INO80: variants seen among roughly 807,000 people sequenced by gnomAD.
INO80 encodes the protein chromatin-remodeling ATPase INO80.
In INO80, 20 loss-of-function variants were observed where a neutral mutation model predicts 203.4. The observed-to-expected ratio is 0.10, with a 90% CI of 0.07 to 0.14. The LOEUF (loss-of-function observed/expected upper bound fraction) is 0.14, where lower values mean the gene tolerates loss of function less well. Ranked by LOEUF, INO80 falls within the 10% of genes least tolerant of loss-of-function variation. The probability of loss-of-function intolerance (pLI) is 1.00; values close to 1 mark genes in which losing one functional copy is unlikely to be tolerated. For missense variants in INO80, 1,419 were observed against 1,914.4 expected (o/e 0.74, Z 4.83); for synonymous variants, 726 against 685.2 (o/e 1.06, Z -0.93).
intron 29 of INO80, among the ~76,000 whole-genome samples, chr15:40,989,135 T>C (rs1246814566): frequency 6.6e-6 from 1 of 151,424 alleles, no homozygotes; most frequent in African/African-American, 2.4e-5. Flanking sequence ...GCTGAGATCA[T>C]GCCATTGCAC....
At position 41,026,624 on chromosome 15, in the gene INO80, T is replaced by C. The variant is rs539119062; in HGVS notation, c.3048+972A>G. On this transcript the variant is annotated intron_variant, in intron 25 of 35. Coordinates refer to ENST00000648947, the MANE Select transcript of INO80 (RefSeq NM_017553.3). The stretch of plus-strand genomic sequence containing the variant: ...AAAACAGTACACTTGCTAAGATGAG[T>C]GGAGAAACAAGAGAAAAACATAAAA... 4.7e-5 allele frequency among the ~76,000 whole-genome samples: 7 copies of C among 150,284 alleles called. No individual in the cohort carries two copies. In the South Asian group the frequency reaches 1.3e-3, roughly 28 times the overall value.
chr15:41,036,709 AAC>A (rs2044581442), intron 24 of INO80, among the ~76,000 whole-genome samples: 2 of 152,210 alleles, frequency 1.3e-5, no homozygotes, highest in African/African-American at 4.8e-5. Flanking sequence ...TCATTCAGCA[AAC>A]ACTTATTTAA....
chr15:41,085,163 A>G (rs367779296), intron 7 of INO80, among the ~76,000 whole-genome samples: 2 of 152,246 alleles, frequency 1.3e-5, no homozygotes, highest in East Asian at 3.8e-4. Flanking sequence ...GCATCACACA[A>G]TAACTAATTG....
At position 40,987,812 on chromosome 15, in the gene INO80, T is replaced by C; in HGVS notation, c.3729+4A>G. The C allele has an allele frequency of 6.2e-7, 1 of 1,613,146 alleles. No homozygotes were observed. On this transcript the variant is annotated splice_donor_region_variant and intron_variant, in intron 30 of 35. Coordinates refer to ENST00000648947, the MANE Select transcript of INO80 (RefSeq NM_017553.3). ...GTGTAGGAATTTCTTTCTCTTGTGC[T>C]TACCTCACTCTTCTCCTTGGCTCTT...
rs529254631 is a variant in INO80, at chr15:40,986,604, G to A, written c.3832+487C>T. ...CTCCCAAAGTGCTGGGATTACAGGTGTGAGCCGTCTTGTGTTTTTTGTTTT... is the reference window on the plus strand; with the variant it reads ...CTCCCAAAGTGCTGGGATTACAGGTATGAGCCGTCTTGTGTTTTTTGTTTT... On this transcript the variant is annotated intron_variant, in intron 31 of 35. Transcript: ENST00000648947. Among the ~76,000 whole-genome samples, 34 of 151,840 alleles carry A rather than the reference G, an allele frequency of 2.2e-4. 1 individual carries two copies. Among genetic ancestry groups the A allele is most frequent in the African/African-American group, 7.7e-4 (32 of 41,378 alleles).
Position 41,074,486 on chromosome 15 carries a change from T to A in INO80, c.1211A>T (p.Asp404Val). The change falls in exon 10 of 36, where the codon GAT (aspartate) becomes GTT (valine). Residue 404 changes from aspartate to valine, a missense_variant. This residue lies in a region of INO80 where 116 missense variants were observed against 119.5 expected (regional missense o/e 0.97). Coordinates refer to ENST00000648947, the MANE Select transcript of INO80 (RefSeq NM_017553.3). ...TTCCTGGATACCATCATGACCCATA[T>A]CTCGTTTGCGACTCATGAAATGGGC... ...LYAHFMSRKRDMGHDGIQEEI... is the reference protein window; with the variant it reads ...LYAHFMSRKRVMGHDGIQEEI... The A allele has an allele frequency of 6.2e-7, 1 of 1,613,992 alleles. No individual in the cohort carries two copies. Among genetic ancestry groups the A allele is most frequent in the Non-Finnish European group, 8.5e-7 (1 of 1,179,944 alleles).
At chr15:41,052,995 T>A (rs899349099) in intron 19 of INO80, among the ~76,000 whole-genome samples, 9 of 152,122 alleles carry the variant, frequency 5.9e-5, no homozygotes, top group Non-Finnish European at 1.3e-4. Context: ...ATTGTGTCAC[T>A]GCACTCCAGT....
At chr15:40,980,555 C>T (rs1185869898) in intron 35 of INO80, 115 bp from the exon 36 acceptor site, 2 of 697,258 alleles carry the variant, frequency 2.9e-6, no homozygotes, top group African/African-American at 3.6e-5. Context: ...GGCAATTCCT[C>T]CCTGCCACTC....
chr15:41,107,177 ATTTT>A (rs1268527812), intron 1 of INO80, among the ~76,000 whole-genome samples: 2 of 152,132 alleles, frequency 1.3e-5, no homozygotes, highest in Non-Finnish European at 2.9e-5. Context: ...CTCTAAAAAA[ATTTT>A]TTTTAATTTG....
At chr15:41,041,488 T>C (rs1456006808) in intron 24 of INO80, among the ~76,000 whole-genome samples, 1 of 151,716 alleles carries the variant, frequency 6.6e-6, no homozygotes, top group Non-Finnish European at 1.5e-5. Flanking sequence ...TTCCCCAGGC[T>C]GGAGTGTAAT....
intron 1 of INO80, among the ~76,000 whole-genome samples, chr15:41,100,206 C>G (rs1272263392): frequency 2.6e-5 from 4 of 152,060 alleles, no homozygotes; most frequent in African/African-American, 9.7e-5. Flanking sequence ...TCCCGAGTAG[C>G]TGGGACTACA....
chr15:41,080,839 ACT>A (rs1452078172), intron 8 of INO80, among the ~76,000 whole-genome samples, 179 bp downstream of exon 8: 6 of 152,242 alleles, frequency 3.9e-5, no homozygotes, highest in African/African-American at 1.4e-4. Flanking sequence ...GGTGGCTGAG[ACT>A]CTGTCTCAAA....
Position 40,980,191 on chromosome 15 carries a change from T to G in INO80, c.*32A>C, listed in dbSNP as rs1596226870. On this transcript the variant is annotated 3_prime_UTR_variant, in exon 36 of 36. Coordinates refer to ENST00000648947, the MANE Select transcript of INO80 (RefSeq NM_017553.3). ...TGGCAGGTCAGGACTCTAGCCCTGG[T>G]TTGGTTGAAGGAAGTCGGAGGGCCC... 6.4e-7 allele frequency: 1 copy of G among 1,567,728 alleles called. No homozygotes were observed. Among genetic ancestry groups the G allele is most frequent in the Non-Finnish European group, 8.8e-7 (1 of 1,139,616 alleles).
intron 1 of INO80, among the ~76,000 whole-genome samples, chr15:41,105,675 T>C (rs1362656794): frequency 4.6e-5 from 7 of 152,182 alleles, no homozygotes; most frequent in African/African-American, 1.7e-4. Context: ...CAATCATTTG[T>C]TTATATCAAT....
At chr15:41,069,265 C>G in intron 14 of INO80, among the ~76,000 whole-genome samples, 1 of 151,738 alleles carries the variant, frequency 6.6e-6, no homozygotes, top group East Asian at 1.9e-4. Flanking sequence ...CTGCCCCGTT[C>G]AAGCGATTCT....
chr15:41,045,099 G>A (rs754082093), intron 23 of INO80, 24 bp from the exon 24 acceptor site: 22 of 1,572,290 alleles, frequency 1.4e-5, no homozygotes, highest in Admixed American at 4.1e-5. Context: ...CAGCAGACAC[G>A]CTTATTCAGT....
intron 31 of INO80, among the ~76,000 whole-genome samples, chr15:40,985,683 G>A (rs2043722419): frequency 6.6e-6 from 1 of 152,218 alleles, no homozygotes; most frequent in Admixed American, 6.5e-5. Flanking sequence ...GCTGGGGCAG[G>A]CTGATGGCTC....
At chr15:41,036,156 GAAAAAAAAAAAAAA>G (rs369185302) in intron 24 of INO80, among the ~76,000 whole-genome samples, 7 of 32,138 alleles carry the variant, frequency 2.2e-4, no homozygotes, top group African/African-American at 3.8e-4. Context: ...ACTCTCTCTC[GAAAAAAAAAAAAAA>G]AAAAAAAAAA....
At chr15:41,102,584 C>T (rs1171834703) in intron 1 of INO80, among the ~76,000 whole-genome samples, 4 of 151,950 alleles carry the variant, frequency 2.6e-5, no homozygotes, top group Non-Finnish European at 4.4e-5. Context: ...GCAGGAGAAT[C>T]GCTTGAACCT....
Sources: gnomAD v4.1 joint callset for allele counts (sites outside exome capture counted in the v4.1 genomes callset) on GRCh38, gnomAD v4.1.1 for gene constraint, gnomAD v4.1.1 regional missense constraint, MANE v1.5 for transcripts, NCBI Gene and HGNC (gene_info 2026-07-23, HGNC 2026-07-21) for gene names.